Variants in AUTS2 observed in about 807,000 individuals in gnomAD.
AUTS2 encodes activator of transcription and developmental regulator AUTS2, also known as autism susceptibility gene 2 protein.
A neutral mutation model predicts 112.4 loss-of-function variants in AUTS2; 17 were observed. That is an observed-to-expected ratio of 0.15 (90% CI 0.10 to 0.23). AUTS2 has a LOEUF of 0.23. Among genes scored for constraint, AUTS2 ranks in the 10% least tolerant of loss-of-function variants. The probability of loss-of-function intolerance (pLI) is 1.00; values close to 1 mark genes in which losing one functional copy is unlikely to be tolerated. For synonymous variants in AUTS2, 751 were observed against 702.7 expected, an observed-to-expected ratio of 1.07 and a Z score of -1.09; for missense variants, 1,510 against 1,701.6, an observed-to-expected ratio of 0.89 and a Z score of 1.98.
intron 4 of AUTS2, among the ~76,000 whole-genome samples, chr7:70,425,982 A>G (rs572753995): frequency 1.3e-5 from 2 of 152,326 alleles, no homozygotes; most frequent in Middle Eastern, 3.4e-3. Context: ...GTTCTTAGCA[A>G]CACTATGAGG....
chr7:70,108,168 A>T (rs1804873305), intron 2 of AUTS2, among the ~76,000 whole-genome samples: 1 of 152,080 alleles, frequency 6.6e-6, no homozygotes, highest in African/African-American at 2.4e-5. Context: ...CTTAGTCTTG[A>T]TGAGATTTTA....
intron 4 of AUTS2, among the ~76,000 whole-genome samples, chr7:70,415,769 A>G (rs1467852992): frequency 1.3e-5 from 2 of 152,206 alleles, no homozygotes; most frequent in Non-Finnish European, 2.9e-5. Context: ...AGTCAACGGT[A>G]ACAGGGAAAA....
intron 2 of AUTS2, among the ~76,000 whole-genome samples, chr7:69,941,065 C>T (rs984649115): frequency 1.1e-4 from 17 of 152,186 alleles, no homozygotes; most frequent in Admixed American, 8.5e-4. Flanking sequence ...AGAGAATACA[C>T]ATGCACGCAA....
chr7:70,583,006 T>TCCTTTACGC (rs1802520696), intron 5 of AUTS2, among the ~76,000 whole-genome samples: 2 of 152,356 alleles, frequency 1.3e-5, no homozygotes, highest in South Asian at 4.1e-4. Context: ...TGTAGTACTG[T>TCCTTTACGC]ATCTTTAACC....
In AUTS2 at chr7:70,790,135, C is replaced by T. The variant is rs1475053509; in HGVS notation, c.2919C>T (p.Asn973=). Residue 973 remains asparagine, a synonymous_variant, in exon 19 of 19, where the codon AAC becomes AAT. Coordinates refer to ENST00000342771, the MANE Select transcript of AUTS2 (RefSeq NM_015570.4). The surrounding 1 kb of genome is among the most constrained non-coding windows in gnomAD (Gnocchi z 7.6). ...EPRKGEPAYE[N]PKKSSEVKVK... ...GCAAGGGTGAGCCGGCCTACGAGAA[C>T]CCCAAGAAGAGCTCCGAGGTCAAGG... is the stretch of plus-strand genomic sequence containing the variant. 10 of 1,608,248 alleles carry T rather than the reference C, an allele frequency of 6.2e-6. No homozygotes were observed. The highest frequency in any genetic ancestry group is 8.5e-6 in the Non-Finnish European group (10 of 1,178,118).
At chr7:70,303,434 G>GCGCGCA (rs1241517255) in intron 4 of AUTS2, among the ~76,000 whole-genome samples, 82 of 142,050 alleles carry the variant, frequency 5.8e-4, no homozygotes, top group East Asian at 8.5e-4. Flanking sequence ...GCGCGCGCGC[G>GCGCGCA]CACATACACA....
At chr7:70,769,365 T>C (rs1585658458) in intron 10 of AUTS2, among the ~76,000 whole-genome samples, 2 of 152,086 alleles carry the variant, frequency 1.3e-5, no homozygotes, top group East Asian at 3.9e-4. Context: ...GTCTATACTC[T>C]GCTGATTTAA....
intron 2 of AUTS2, among the ~76,000 whole-genome samples, chr7:69,903,855 G>T (rs1464074903): frequency 6.6e-6 from 1 of 152,042 alleles, no homozygotes; most frequent in Non-Finnish European, 1.5e-5. Context: ...TGTCTTATGT[G>T]GTTTAAAAAT....
intron 4 of AUTS2, among the ~76,000 whole-genome samples, chr7:70,395,535 G>T (rs1483754172): frequency 6.6e-6 from 1 of 152,158 alleles, no homozygotes; most frequent in Non-Finnish European, 1.5e-5. Context: ...AATGAATTTT[G>T]TATTTGTGGA....
At chr7:70,486,300 AT>A (rs1224721220) in intron 5 of AUTS2, among the ~76,000 whole-genome samples, 3 of 152,220 alleles carry the variant, frequency 2.0e-5, no homozygotes, top group Admixed American at 6.5e-5. Flanking sequence ...TGGGGAAGTT[AT>A]CAAACCTTGC....
intron 4 of AUTS2, among the ~76,000 whole-genome samples, chr7:70,172,765 CATT>C (rs1251090174): frequency 1.3e-5 from 2 of 152,150 alleles, no homozygotes; most frequent in Non-Finnish European, 2.9e-5. Flanking sequence ...GCATTGCCTT[CATT>C]ATTATTATGT....
At chr7:69,986,062 C>T (rs954356811) in intron 2 of AUTS2, among the ~76,000 whole-genome samples, 2 of 152,110 alleles carry the variant, frequency 1.3e-5, no homozygotes, top group African/African-American at 2.4e-5. Context: ...CGTGCCCAGC[C>T]GCTTTACTTA....
chr7:70,046,025 C>T (rs901585783), intron 2 of AUTS2, among the ~76,000 whole-genome samples: 9 of 151,926 alleles, frequency 5.9e-5, no homozygotes, highest in Non-Finnish European at 1.2e-4. Flanking sequence ...CAAAGTTATA[C>T]GTTTAAAGGA....
At position 69,899,402 on chromosome 7, in the gene AUTS2, C is replaced by T. The variant is rs1794878737; in HGVS notation, c.426C>T (p.Leu142=). 25 of 1,613,926 alleles carry T rather than the reference C, an allele frequency of 1.5e-5. No individual in the cohort carries two copies. Among genetic ancestry groups the T allele is most frequent in the Non-Finnish European group, 2.1e-5 (25 of 1,179,910 alleles). The change falls in exon 2 of 19, where the codon CTC becomes CTT. Residue 142 remains leucine, a synonymous_variant. Transcript: ENST00000342771. ...GLSFHSKKSR[L]SHPHHYSSDR... is the part of the protein sequence containing the mutation. ...CCTTTCATTCAAAGAAGAGCAGACT[C>T]AGCCACCCACACCACTACAGCTCAG...
intron 4 of AUTS2, among the ~76,000 whole-genome samples, chr7:70,155,462 C>CTT (rs112695108): frequency 1.1e-4 from 15 of 137,690 alleles, no homozygotes; most frequent in Admixed American, 1.5e-4. Context: ...GGGCCCTTGA[C>CTT]TTTTTTTTTT....
At chr7:70,522,654 C>T (rs1372672374) in intron 5 of AUTS2, among the ~76,000 whole-genome samples, 1 of 152,178 alleles carries the variant, frequency 6.6e-6, no homozygotes, top group African/African-American at 2.4e-5. Flanking sequence ...TGTATGGCTG[C>T]TTAGTATTCC....
intron 1 of AUTS2, among the ~76,000 whole-genome samples, chr7:69,731,345 G>A (rs1025484833): frequency 2.0e-5 from 3 of 152,132 alleles, no homozygotes; most frequent in African/African-American, 4.8e-5. Context: ...AGAGAGACTT[G>A]TTTAACTTAA....
chr7:70,191,342 T>C (rs1321871223), intron 4 of AUTS2, among the ~76,000 whole-genome samples: 1 of 151,882 alleles, frequency 6.6e-6, no homozygotes, highest in Non-Finnish European at 1.5e-5. Flanking sequence ...TAATTTTGTT[T>C]TTGTATTTTT....
At chr7:69,713,759 C>A (rs1171643693) in intron 1 of AUTS2, among the ~76,000 whole-genome samples, 1 of 152,050 alleles carries the variant, frequency 6.6e-6, no homozygotes. Context: ...CTGTGCCCGG[C>A]CTTAAGAGTT....
Sources: gnomAD v4.1 joint callset for allele counts (sites outside exome capture counted in the v4.1 genomes callset) on GRCh38, gnomAD v4.1.1 for gene constraint, Gnocchi (gnomAD v3.1) non-coding constraint, MANE v1.5 for transcripts, NCBI Gene and HGNC (gene_info 2026-07-23, HGNC 2026-07-21) for gene names.